Variants in PCDHGB1 observed in about 807,000 individuals in gnomAD.
PCDHGB1 encodes protocadherin gamma-B1.
In PCDHGB1, 34 loss-of-function variants were observed where a neutral mutation model predicts 56.6. The ratio of observed to expected loss-of-function variants is 0.60; its 90% confidence interval spans 0.46 to 0.80. The LOEUF (loss-of-function observed/expected upper bound fraction) is 0.80, where lower values mean the gene tolerates loss of function less well. Among genes scored for constraint, PCDHGB1 ranks in the 30% least tolerant of loss-of-function variants. The pLI, the probability that PCDHGB1 is intolerant of heterozygous loss-of-function variation, is 0.00. For missense variants in PCDHGB1, 1,278 were observed against 1,204.6 expected, an observed-to-expected ratio of 1.06 and a Z score of -0.90; for synonymous variants, 561 against 505.9, an observed-to-expected ratio of 1.11 and a Z score of -1.46.
At chr5:141,388,742 G>C (rs1340234849) in intron 1 of PCDHGB1, 1 of 1,613,886 alleles carries the variant, frequency 6.2e-7, no homozygotes, top group Non-Finnish European at 8.5e-7. Context: ...AAGCTAGCCA[G>C]ATCACCCAAT....
chr5:141,489,288 G>A lies in PCDHGB1; in HGVS notation c.2410-5519G>A. 6.3e-7 allele frequency: 1 copy of A among 1,575,870 alleles called. No homozygotes were observed. Among genetic ancestry groups the A allele is most frequent in the Non-Finnish European group, 8.6e-7 (1 of 1,161,152 alleles). On this transcript the variant is annotated intron_variant, in intron 1 of 3. Coordinates refer to ENST00000523390, the MANE Select transcript of PCDHGB1 (RefSeq NM_018922.3). The surrounding 1 kb of genome is among the most constrained non-coding windows in gnomAD (Gnocchi z 4.5). ...AGCTCGCTGGGAAATGGCAAGTGCT[G>A]TGCATGTTGTCCTTGTGCTGCTGGG...
chr5:141,432,069 A>T lies in PCDHGB1; in HGVS notation c.2410-62738A>T. ...ACCCCGCCCCTATCCACGGAAACTC[A>T]TATCTCGCTGAACGTGGCAGACACC... is the stretch of plus-strand genomic sequence containing the variant. On this transcript the variant is annotated intron_variant, in intron 1 of 3. Coordinates refer to ENST00000523390, the MANE Select transcript of PCDHGB1 (RefSeq NM_018922.3). This position sits in a 1 kb window ranked among gnomAD's most constrained non-coding sequence, Gnocchi z 6.0. The T allele has an allele frequency of 6.2e-7, 1 of 1,614,168 alleles. No homozygotes were observed. The highest frequency in any genetic ancestry group is 8.5e-7 in the Non-Finnish European group (1 of 1,180,038).
chr5:141,375,174 C>A (rs765614006), intron 1 of PCDHGB1: 3 of 1,614,006 alleles, frequency 1.9e-6, no homozygotes, highest in Non-Finnish European at 2.5e-6. Context: ...CCTCCAGGAA[C>A]AGTAATCGCC....
chr5:141,409,900 T>G (rs756245078), intron 1 of PCDHGB1: 1 of 1,613,144 alleles, frequency 6.2e-7, no homozygotes, highest in Non-Finnish European at 8.5e-7. Flanking sequence ...TGTACCCAGC[T>G]CTGGGTCCTG....
chr5:141,485,124 C>T lies in PCDHGB1; in HGVS notation c.2410-9683C>T. The T allele has an allele frequency of 7.2e-7, 1 of 1,390,146 alleles. No individual in the cohort carries two copies. The highest frequency in any genetic ancestry group is 1.0e-6 in the Non-Finnish European group (1 of 990,090). The allele number at this position is 1,390,146 out of a possible 1,614,324, so 86.1% of individuals were successfully genotyped here. ...GCTGCTGTGGCTGTTTGGGGCGGGT[C>T]GGCTTCATCCGCGTCTCAGGAGCAA... On this transcript the variant is annotated intron_variant, in intron 1 of 3. Coordinates refer to ENST00000523390, the MANE Select transcript of PCDHGB1 (RefSeq NM_018922.3). The surrounding 1 kb of genome is among the most constrained non-coding windows in gnomAD (Gnocchi z 5.7).
chr5:141,366,267 T>A (rs201030376), intron 1 of PCDHGB1: 49 of 1,613,514 alleles, frequency 3.0e-5, no homozygotes, highest in Non-Finnish European at 3.9e-5. Context: ...GTGGTGGCCG[T>A]CGAAGACCAT....
rs1021061111 is a variant in PCDHGB1 at position 141,352,197 on chromosome 5, G to C, written c.1937G>C (p.Gly646Ala). ...CTGCTGGTCGCTGTGCGTGATGGAG[G>C]ACAGCCGCCACTCTCCGCCACCGCC... ...QRLLVAVRDG[G>A]QPPLSATATL... The change falls in exon 1 of 4, where the codon GGA (glycine) becomes GCA (alanine). Residue 646 changes from glycine to alanine, a missense_variant. Gly to Ala is a moderately conservative substitution (Grantham distance 60). Transcript: ENST00000523390. 1.9e-6 allele frequency: 3 copies of C among 1,613,922 alleles called. No individual in the cohort carries two copies. Among genetic ancestry groups the C allele is most frequent in the Non-Finnish European group, 2.5e-6 (3 of 1,179,892 alleles).
chr5:141,361,064 A>C, intron 1 of PCDHGB1: 1 of 1,613,918 alleles, frequency 6.2e-7, no homozygotes, highest in Non-Finnish European at 8.5e-7. Flanking sequence ...TTGGATTTTG[A>C]GATTGCAAGT....
At chr5:141,510,917 C>G in intron 3 of PCDHGB1, 30 bp from the exon 4 acceptor site, 1 of 1,613,854 alleles carries the variant, frequency 6.2e-7, no homozygotes, top group Non-Finnish European at 8.5e-7. Flanking sequence ...CTAAGTTTAG[C>G]TCCCACCTGA....
chr5:141,372,622 A>G lies in PCDHGB1; in HGVS notation c.2409+19953A>G, dbSNP rs1231771489. The G allele has an allele frequency of 6.2e-7, 1 of 1,613,952 alleles. No homozygotes were observed. The highest frequency in any genetic ancestry group is 1.6e-4 in the Middle Eastern group (1 of 6,062). On this transcript the variant is annotated intron_variant, in intron 1 of 3. Transcript: ENST00000523390. ...ACTGTACCTGGAGTTCTCCCCACCT[A>G]CAGCGAAAGGACTTTGCCTTATTCC...
chr5:141,390,746 T>C (rs1391007986), intron 1 of PCDHGB1: 1 of 172,782 alleles, frequency 5.8e-6, no homozygotes, highest in African/African-American at 2.4e-5. Context: ...TCCATAGTAG[T>C]CCACTGTTTT....
At chr5:141,370,663 T>C (rs1319897209) in intron 1 of PCDHGB1, 1 of 1,613,900 alleles carries the variant, frequency 6.2e-7, no homozygotes, top group East Asian at 2.2e-5. Flanking sequence ...AGCGACCGTA[T>C]AGACCGAGAG....
In PCDHGB1 at chr5:141,477,018, C is replaced by T. The variant is rs2099403540; in HGVS notation, c.2410-17789C>T. The T allele has an allele frequency of 3.1e-6, 5 of 1,614,262 alleles. No homozygotes were observed. Among genetic ancestry groups the T allele is most frequent in the Non-Finnish European group, 4.2e-6 (5 of 1,180,048 alleles). ...CAACTATTCGCCTTAGACCTTGTAA[C>T]CGGGATGCTGACAATCAAGGGTCGG... On this transcript the variant is annotated intron_variant, in intron 1 of 3. Coordinates refer to ENST00000523390, the MANE Select transcript of PCDHGB1 (RefSeq NM_018922.3). The surrounding 1 kb of genome is among the most constrained non-coding windows in gnomAD (Gnocchi z 4.9).
chr5:141,384,366 T>C (rs573164893), intron 1 of PCDHGB1: 2 of 1,613,896 alleles, frequency 1.2e-6, no homozygotes, highest in Middle Eastern at 1.6e-4. Flanking sequence ...AGATCACTTA[T>C]TCCTTGGCCG....
chr5:141,410,419 TC>T (rs769125626), intron 1 of PCDHGB1: 1 of 1,613,886 alleles, frequency 6.2e-7, no homozygotes, highest in South Asian at 1.1e-5. Flanking sequence ...GACCTGTAGT[TC>T]CCCCCAACTA....
Position 141,477,140 on chromosome 5 carries a change from G to GT in PCDHGB1, c.2410-17665dup. ...AGCACATTGCAAAGTGTTGGTGGAG[G>GT]TTGTGGATGTGAATGACAACGCCCC... On this transcript the variant is annotated intron_variant, in intron 1 of 3. Transcript: ENST00000523390. The surrounding 1 kb of genome is among the most constrained non-coding windows in gnomAD (Gnocchi z 4.9). 1 of 1,614,220 alleles carries GT rather than the reference G, an allele frequency of 6.2e-7. No homozygotes were observed. Among genetic ancestry groups the GT allele is most frequent in the Non-Finnish European group, 8.5e-7 (1 of 1,180,048 alleles).
chr5:141,360,658 A>G, intron 1 of PCDHGB1: 1 of 1,613,590 alleles, frequency 6.2e-7, no homozygotes, highest in South Asian at 1.1e-5. Flanking sequence ...CCTTAATGAC[A>G]ACGAGTACTT....
At chr5:141,401,226 C>T (rs960294428) in intron 1 of PCDHGB1, among the ~76,000 whole-genome samples, 1 of 152,102 alleles carries the variant, frequency 6.6e-6, no homozygotes, top group African/African-American at 2.4e-5. Context: ...CCTGTAATCC[C>T]AGCTACTCAG....
At chr5:141,478,428 C>G in intron 1 of PCDHGB1, 1 of 1,613,746 alleles carries the variant, frequency 6.2e-7, no homozygotes. Flanking sequence ...CGCAGCGACC[C>G]GCTGCTGAAG....
Sources: allele counts gnomAD v4.1 joint callset (sites outside exome capture counted in the v4.1 genomes callset), GRCh38; gene constraint gnomAD v4.1.1; non-coding constraint Gnocchi (gnomAD v3.1); transcripts MANE v1.5; gene names NCBI Gene and HGNC (gene_info 2026-07-23, HGNC 2026-07-21).